SHANK2: variants seen among roughly 807,000 people sequenced by gnomAD.
SHANK2 encodes the protein SH3 and multiple ankyrin repeat domains protein 2.
Under a neutral mutation model 133.7 loss-of-function variants are expected in SHANK2, and 43 were observed. The observed-to-expected ratio is 0.32, with a 90% CI of 0.25 to 0.41. The LOEUF (loss-of-function observed/expected upper bound fraction) is 0.41, where lower values mean the gene tolerates loss of function less well. Ranked by LOEUF, SHANK2 falls within the 10% of genes least tolerant of loss-of-function variation. SHANK2 has a pLI of 1.00. For missense variants in SHANK2, 1,994 were observed against 2,235.8 expected (o/e 0.89, Z 2.18); for synonymous variants, 1,017 against 952.8 (o/e 1.07, Z -1.24).
intron 17 of SHANK2, among the ~76,000 whole-genome samples, chr11:70,610,033 T>C (rs1554993762): frequency 6.6e-6 from 1 of 151,384 alleles, no homozygotes; most frequent in African/African-American, 2.4e-5. Context: ...TCACTGGGGA[T>C]GGCCAGGGAC....
intron 10 of SHANK2, among the ~76,000 whole-genome samples, chr11:70,905,804 T>C (rs952294023): frequency 7.0e-6 from 1 of 143,442 alleles, no homozygotes; most frequent in South Asian, 2.2e-4. Flanking sequence ...CCAGTTTATG[T>C]TTTTTTTTTT....
chr11:70,660,577 G>GCC (rs2061470659), intron 16 of SHANK2, among the ~76,000 whole-genome samples: 1 of 152,180 alleles, frequency 6.6e-6, no homozygotes, highest in East Asian at 1.9e-4. Context: ...TGGCTTCTGG[G>GCC]GCCCCACACA....
chr11:70,493,183 GT>G lies in SHANK2; in HGVS notation c.2309-719del, dbSNP rs1196252410. Reference sequence around the variant, plus strand: ...GAAGTTTTTTTTTTTGTTTGTTTTTGTTTTTTTTTTTGAAGAGACTCAGACA... The same window carrying G: ...GAAGTTTTTTTTTTTGTTTGTTTTTGTTTTTTTTTTGAAGAGACTCAGACA... On this transcript the variant is annotated intron_variant, in intron 21 of 25. Coordinates refer to ENST00000601538, the MANE Select transcript of SHANK2 (RefSeq NM_012309.5). 3.0e-4 allele frequency among the ~76,000 whole-genome samples: 42 copies of G among 138,880 alleles called. 1 individual carries two copies. In the South Asian group the frequency reaches 8.1e-3, roughly 27 times the overall value. The allele number at this position is 138,880 out of a possible 152,430, so 91.1% of individuals were successfully genotyped here.
At chr11:70,843,049 C>A (rs182327498) in intron 11 of SHANK2, among the ~76,000 whole-genome samples, 1 of 152,196 alleles carries the variant, frequency 6.6e-6, no homozygotes, top group Non-Finnish European at 1.5e-5. Flanking sequence ...ACTCCCAGAG[C>A]GGGCTGGGCA....
intron 1 of SHANK2, among the ~76,000 whole-genome samples, chr11:71,241,561 T>C (rs1383402986): frequency 1.3e-5 from 2 of 152,150 alleles, no homozygotes; most frequent in Non-Finnish European, 2.9e-5. Context: ...ATCAGCTACA[T>C]TTTGCAGGAG....
intron 17 of SHANK2, among the ~76,000 whole-genome samples, chr11:70,606,378 C>T (rs1318339604): frequency 6.6e-6 from 1 of 151,830 alleles, no homozygotes; most frequent in Non-Finnish European, 1.5e-5. Flanking sequence ...CCAGCAAGAT[C>T]CCATCTCTAC....
intron 8 of SHANK2, among the ~76,000 whole-genome samples, chr11:71,085,581 AATATATTATATAAT>A (rs1951371471): frequency 2.3e-5 from 1 of 43,640 alleles, no homozygotes; most frequent in African/African-American, 8.1e-5. Context: ...TATATTATAT[AATATATTATATAAT>A]ATATATATTA....
intron 17 of SHANK2, among the ~76,000 whole-genome samples, chr11:70,598,970 CTT>C (rs55694435): frequency 7.4e-6 from 1 of 135,602 alleles, no homozygotes. Flanking sequence ...ATTTTGAAAG[CTT>C]TTTTTTTTTT....
chr11:70,748,045 T>C (rs1038475019), intron 14 of SHANK2, among the ~76,000 whole-genome samples: 1 of 148,654 alleles, frequency 6.7e-6, no homozygotes, highest in African/African-American at 2.6e-5. Context: ...GGTTATCTTG[T>C]CCACTCTGTA....
intron 2 of SHANK2, among the ~76,000 whole-genome samples, chr11:71,205,233 T>TA (rs1439737014): frequency 6.6e-6 from 1 of 152,036 alleles, no homozygotes; most frequent in Non-Finnish European, 1.5e-5. Context: ...TCCTGTGGGG[T>TA]AGCCCCTTTT....
chr11:70,730,637 G>A (rs1175469014), intron 14 of SHANK2, among the ~76,000 whole-genome samples: 2 of 152,046 alleles, frequency 1.3e-5, no homozygotes, highest in African/African-American at 2.4e-5. Flanking sequence ...CTGCAGATGA[G>A]CAGCCAGGCT....
intron 8 of SHANK2, among the ~76,000 whole-genome samples, chr11:71,079,716 C>T (rs1198037035): frequency 1.1e-4 from 16 of 149,124 alleles, no homozygotes; most frequent in African/African-American, 2.7e-4. Context: ...GCCAAGATCA[C>T]GCCACTGCAC....
chr11:71,124,191 ATGGTGATGATGGTGGTGATGATG>A, intron 3 of SHANK2, among the ~76,000 whole-genome samples: 1 of 79,270 alleles, frequency 1.3e-5, no homozygotes, highest in Admixed American at 1.6e-4. Context: ...GATGATGGTG[ATGGTGATGATGGTGGTGATGATG>A]ATGGTGACAA....
At chr11:70,820,294 C>A (rs1435648413) in intron 12 of SHANK2, 70 bp downstream of exon 12, 3 of 591,352 alleles carry the variant, frequency 5.1e-6, no homozygotes, top group Non-Finnish European at 9.3e-6. Context: ...TCTGGGCCAC[C>A]CCAAGTTGGA....
At position 70,473,066 on chromosome 11, in the gene SHANK2, G is replaced by A; in HGVS notation, c.5353C>T (p.Leu1785=). The change falls in exon 26 of 26, where the codon CTG becomes TTG. Residue 1785 remains leucine (L), a synonymous_variant. Coordinates refer to ENST00000601538, the MANE Select transcript of SHANK2 (RefSeq NM_012309.5). This position sits in a 1 kb window ranked among gnomAD's most constrained non-coding sequence, Gnocchi z 5.9. ...TCGGCCACATCTGGTTTAGTCCACA[G>A]GTGGACAGGTTTAGTTGTAAAAGGC... ...NKPFTTKPVH[L]WTKPDVADWL... 1 of 1,614,244 alleles carries A rather than the reference G, an allele frequency of 6.2e-7. No individual in the cohort carries two copies. Among genetic ancestry groups the A allele is most frequent in the South Asian group, 1.1e-5 (1 of 91,090 alleles).
At chr11:70,632,443 C>T (rs1555002570) in intron 17 of SHANK2, among the ~76,000 whole-genome samples, 8 of 152,070 alleles carry the variant, frequency 5.3e-5, no homozygotes, top group Non-Finnish European at 1.5e-5. Context: ...CATCACGGGC[C>T]CCGAACAGCT....
intron 14 of SHANK2, among the ~76,000 whole-genome samples, chr11:70,753,303 C>T (rs1946795403): frequency 6.6e-6 from 1 of 151,976 alleles, no homozygotes; most frequent in African/African-American, 2.4e-5. Context: ...GCTATAAACA[C>T]TTAAAAATAC....
chr11:70,742,815 G>C (rs527499237), intron 14 of SHANK2, among the ~76,000 whole-genome samples: 7 of 152,242 alleles, frequency 4.6e-5, no homozygotes, highest in African/African-American at 1.7e-4. Context: ...TGCTGGGGGC[G>C]GGGGCTGGAG....
At chr11:70,666,404 C>A (rs67747845) in intron 15 of SHANK2, among the ~76,000 whole-genome samples, 1 of 152,170 alleles carries the variant, frequency 6.6e-6, no homozygotes, top group South Asian at 2.1e-4. Context: ...GGGTCTCACA[C>A]GCAGGCCTTA....
Sources: allele counts gnomAD v4.1 joint callset (sites outside exome capture counted in the v4.1 genomes callset), GRCh38; gene constraint gnomAD v4.1.1; non-coding constraint Gnocchi (gnomAD v3.1); transcripts MANE v1.5; gene names NCBI Gene and HGNC (gene_info 2026-07-23, HGNC 2026-07-21).